The following C9orf85 variants were observed in gnomAD, a reference collection of about 807,000 sequenced individuals.
The protein encoded by C9orf85 is uncharacterized protein C9orf85.
Under a neutral mutation model 14.9 loss-of-function variants are expected in C9orf85, and 16 were observed. The observed-to-expected ratio is 1.08, with a 90% confidence interval of 0.73 to 1.63. The LOEUF is 1.63. C9orf85 is among the 40% of genes most tolerant of loss of function. The probability of loss-of-function intolerance (pLI) is 0.00; values close to 1 mark genes in which losing one functional copy is unlikely to be tolerated. For synonymous variants in C9orf85, 45 were observed against 56.8 expected (o/e 0.79, Z 0.93); for missense variants, 172 against 186.1 (o/e 0.92, Z 0.44).
At chr9:71,965,538 C>T (rs1822667209) in intron 2 of C9orf85, among the ~76,000 whole-genome samples, 1 of 152,124 alleles carries the variant, frequency 6.6e-6, no homozygotes, top group Non-Finnish European at 1.5e-5. Flanking sequence ...CATCCCACCT[C>T]AGCCTCTGAG....
chr9:71,983,957 G>A (rs560864667), downstream of C9orf85: 5 of 152,306 alleles, frequency 3.3e-5, no homozygotes, highest in African/African-American at 9.6e-5. Flanking sequence ...GAAGGAGGAG[G>A]TGATTCAATC....
chr9:71,919,438 G>A (rs765818166), intron 1 of C9orf85, among the ~76,000 whole-genome samples: 18 of 152,182 alleles, frequency 1.2e-4, no homozygotes, highest in Non-Finnish European at 2.2e-4. Flanking sequence ...CATCTCTGAC[G>A]TTCTACAGAT....
intron 3 of C9orf85, among the ~76,000 whole-genome samples, chr9:71,972,446 ACGGGGTTTTGCCACGTTGGCCAGG>A (rs1372608400): frequency 2.0e-5 from 3 of 152,104 alleles, no homozygotes; most frequent in Non-Finnish European, 4.4e-5. Context: ...TTTAGTAGAG[ACGGGGTTTTGCCACGTTGGCCAGG>A]CTGGTTTCGA....
At chr9:71,953,824 C>G (rs560138187) in intron 2 of C9orf85, among the ~76,000 whole-genome samples, 1 of 152,182 alleles carries the variant, frequency 6.6e-6, no homozygotes, top group Non-Finnish European at 1.5e-5. Context: ...GGGAGGCAGG[C>G]ACAGTCGCTC....
intron 2 of C9orf85, among the ~76,000 whole-genome samples, chr9:71,951,518 A>G (rs2132317766): frequency 6.6e-6 from 1 of 152,192 alleles, no homozygotes; most frequent in East Asian, 1.9e-4. Flanking sequence ...CCTCCTACCC[A>G]TTTCTTAAGG....
intron 1 of C9orf85, among the ~76,000 whole-genome samples, chr9:71,928,142 C>G (rs919151333): frequency 2.8e-5 from 4 of 140,360 alleles, no homozygotes; most frequent in Non-Finnish European, 6.0e-5. Context: ...AATCAAGATT[C>G]TGCCACTGTA....
At chr9:71,963,138 G>A (rs1822569548) in intron 2 of C9orf85, among the ~76,000 whole-genome samples, 1 of 152,174 alleles carries the variant, frequency 6.6e-6, no homozygotes, top group African/African-American at 2.4e-5. Flanking sequence ...CTGGGGTTGT[G>A]GAAGGGATGA....
intron 1 of C9orf85, among the ~76,000 whole-genome samples, chr9:71,918,019 C>T (rs1288277334): frequency 6.6e-6 from 1 of 152,096 alleles, no homozygotes; most frequent in Non-Finnish European, 1.5e-5. Context: ...CTCGTCTCTA[C>T]TAAAAATACA....
chr9:71,951,616 GA>G (rs886428581), intron 2 of C9orf85, among the ~76,000 whole-genome samples: 140 of 152,210 alleles, frequency 9.2e-4, no homozygotes, highest in African/African-American at 3.2e-3. Context: ...TGTTAGACTT[GA>G]AAAAGAGGGT....
intron 2 of C9orf85, among the ~76,000 whole-genome samples, chr9:71,965,912 A>G (rs1280867176): frequency 6.6e-6 from 1 of 152,202 alleles, no homozygotes; most frequent in African/African-American, 2.4e-5. Flanking sequence ...AACTAAAGAT[A>G]GCTTGATAAT....
At chr9:71,923,922 A>G (rs1479800394) in intron 1 of C9orf85, among the ~76,000 whole-genome samples, 1 of 152,154 alleles carries the variant, frequency 6.6e-6, no homozygotes, top group Non-Finnish European at 1.5e-5. Flanking sequence ...TACAATTCCT[A>G]TTAAAACACT....
intron 1 of C9orf85, among the ~76,000 whole-genome samples, chr9:71,933,668 T>C (rs1186820641): frequency 6.6e-6 from 1 of 152,170 alleles, no homozygotes; most frequent in Admixed American, 6.5e-5. Context: ...CTTTGTCCCC[T>C]GTAGAAACTA....
intron 2 of C9orf85, among the ~76,000 whole-genome samples, chr9:71,948,453 C>A (rs894050579): frequency 6.6e-6 from 1 of 151,896 alleles, no homozygotes; most frequent in East Asian, 1.9e-4. Context: ...TTTCTGTACT[C>A]CGTTTTGGAG....
At chr9:71,923,785 T>C (rs1313851193) in intron 1 of C9orf85, among the ~76,000 whole-genome samples, 1 of 152,158 alleles carries the variant, frequency 6.6e-6, no homozygotes, top group African/African-American at 2.4e-5. Flanking sequence ...GATGAAACTA[T>C]CCCTGAGGCT....
intron 2 of C9orf85, among the ~76,000 whole-genome samples, chr9:71,953,144 C>A (rs182139798): frequency 1.2e-4 from 18 of 152,170 alleles, no homozygotes; most frequent in African/African-American, 4.3e-4. Context: ...CAAGACGGCC[C>A]GCCACAATAA....
At chr9:71,911,886 A>ATTCCTTC in intron 1 of C9orf85, 50 bp downstream of exon 1, 1 of 1,507,998 alleles carries the variant, frequency 6.6e-7, no homozygotes, top group Non-Finnish European at 9.2e-7. Flanking sequence ...GGAATGGCTC[A>ATTCCTTC]CTGGAGAGGG....
chr9:71,926,027 A>G (rs1393757594), intron 1 of C9orf85, among the ~76,000 whole-genome samples: 1 of 152,260 alleles, frequency 6.6e-6, no homozygotes, highest in African/African-American at 2.4e-5. Flanking sequence ...TTAGAGCTTA[A>G]CAAAGAAACC....
At chr9:71,956,150 A>G (rs1186608820) in intron 2 of C9orf85, among the ~76,000 whole-genome samples, 1 of 151,490 alleles carries the variant, frequency 6.6e-6, no homozygotes, top group Admixed American at 6.6e-5. Flanking sequence ...TGAACATTAT[A>G]TGCCTTATTG....
chr9:71,967,717 T>TC (rs2132352015), intron 2 of C9orf85, among the ~76,000 whole-genome samples: 2 of 118,254 alleles, frequency 1.7e-5, no homozygotes, highest in East Asian at 2.2e-4. Context: ...ACCTTTCTTT[T>TC]TTTTTTTTTT....
Sources: gnomAD v4.1 joint callset for allele counts (sites outside exome capture counted in the v4.1 genomes callset) on GRCh38, gnomAD v4.1.1 for gene constraint, MANE v1.5 for transcripts, NCBI Gene and HGNC (gene_info 2026-07-23, HGNC 2026-07-21) for gene names.